PLAAT1: variants seen among roughly 807,000 people sequenced by gnomAD.
PLAAT1 encodes phospholipase A and acyltransferase 1.
A neutral mutation model predicts 16.4 loss-of-function variants in PLAAT1; 13 were observed. The ratio of observed to expected loss-of-function variants is 0.79; its 90% confidence interval spans 0.52 to 1.26. The LOEUF (loss-of-function observed/expected upper bound fraction) is 1.26. PLAAT1 is among the 50% of genes most tolerant of loss of function. The probability of loss-of-function intolerance (pLI) is 0.00; values close to 1 mark genes in which losing one functional copy is unlikely to be tolerated. For synonymous variants in PLAAT1, 73 were observed against 78.4 expected, an observed-to-expected ratio of 0.93 and a Z score of 0.36; for missense variants, 218 against 207.8, an observed-to-expected ratio of 1.05 and a Z score of -0.30.
intron 2 of PLAAT1, among the ~76,000 whole-genome samples, chr3:193,261,794 C>T (rs989644848): frequency 1.3e-5 from 2 of 152,126 alleles, no homozygotes; most frequent in Non-Finnish European, 2.9e-5. Flanking sequence ...TTTTCCAAGC[C>T]AGTTTACCTC....
chr3:193,264,498 T>C (rs971686232), intron 3 of PLAAT1, among the ~76,000 whole-genome samples: 5 of 54,628 alleles, frequency 9.2e-5, no homozygotes, highest in Non-Finnish European at 1.2e-4. Context: ...GTTGTTTGTT[T>C]CTTCTTCTTC....
chr3:193,261,013 A>G (rs1020313010), intron 2 of PLAAT1, among the ~76,000 whole-genome samples: 11 of 152,220 alleles, frequency 7.2e-5, no homozygotes, highest in African/African-American at 2.7e-4. Flanking sequence ...ATACATTTAA[A>G]TGCTTTGTTT....
chr3:193,241,267 G>C lies in PLAAT1; in HGVS notation c.-267G>C. 8.1e-7 allele frequency: 1 copy of C among 1,228,840 alleles called. No individual in the cohort carries two copies. Among genetic ancestry groups the C allele is most frequent in the Non-Finnish European group, 1.0e-6 (1 of 986,164 alleles). The allele number at this position is 1,228,840 out of a possible 1,614,324, so 76.1% of individuals were successfully genotyped here. A position where few individuals can be genotyped will look rare whatever the true frequency, so the allele number is the denominator to read the frequency against. ...CGGCAGCGCCCGGACGCCGAGCCCAGCGCGTCGGCCCCCCGGCGTGCGGGC... is the reference window on the plus strand; with the variant it reads ...CGGCAGCGCCCGGACGCCGAGCCCACCGCGTCGGCCCCCCGGCGTGCGGGC... On this transcript the variant is annotated 5_prime_UTR_variant, in exon 1 of 4. Coordinates refer to ENST00000264735, the MANE Select transcript of PLAAT1 (RefSeq NM_020386.5).
At position 193,264,081 on chromosome 3, in the gene PLAAT1, A is replaced by G. The variant is rs550782729; in HGVS notation, c.405+846A>G. On this transcript the variant is annotated intron_variant, in intron 3 of 3. Transcript: ENST00000264735. ...ATTGAACTCCAGGGAGTTGTTACCT[A>G]TGAAAACTTTTTAAAAGGCAACTAA... Among the ~76,000 whole-genome samples the G allele has an allele frequency of 2.0e-5, 3 of 152,336 alleles. No individual in the cohort carries two copies. The East Asian group carries it at 5.8e-4, about 29-fold the overall frequency.
At chr3:193,247,726 CAT>C (rs1256299466) in intron 1 of PLAAT1, among the ~76,000 whole-genome samples, 1 of 152,062 alleles carries the variant, frequency 6.6e-6, no homozygotes, top group Non-Finnish European at 1.5e-5. Flanking sequence ...TTAATTTCCA[CAT>C]AGAGTTTTCC....
chr3:193,267,620 C>T (rs1240703597), intron 3 of PLAAT1, among the ~76,000 whole-genome samples: 3 of 152,106 alleles, frequency 2.0e-5, no homozygotes, highest in Non-Finnish European at 4.4e-5. Flanking sequence ...CACTGAAGGA[C>T]GTCTTGGTTG....
intron 2 of PLAAT1, among the ~76,000 whole-genome samples, chr3:193,259,773 ATAATATTAAAATG>A: frequency 6.6e-6 from 1 of 152,336 alleles, no homozygotes; most frequent in East Asian, 1.9e-4. Flanking sequence ...ATTGGAAGAA[ATAATATTAAAATG>A]TTCATATTGC....
chr3:193,281,132 T>G (rs147969215), downstream of PLAAT1: 24 of 970,466 alleles, frequency 2.5e-5, no homozygotes, highest in Non-Finnish European at 2.9e-5. Flanking sequence ...TAAAGCAATC[T>G]AAATGGCTTG....
downstream of PLAAT1, among the ~76,000 whole-genome samples, chr3:193,278,642 A>T (rs1190348079): frequency 1.3e-5 from 2 of 152,222 alleles, no homozygotes; most frequent in African/African-American, 4.8e-5. Flanking sequence ...TTTTGAACCC[A>T]GGTCAAGTTG....
At chr3:193,253,983 T>G (rs1716288536) in intron 1 of PLAAT1, among the ~76,000 whole-genome samples, 1 of 152,208 alleles carries the variant, frequency 6.6e-6, no homozygotes, top group African/African-American at 2.4e-5. Flanking sequence ...AGCAGGCAGC[T>G]TTGTGTGTTT....
intron 1 of PLAAT1, among the ~76,000 whole-genome samples, chr3:193,242,374 A>G (rs545940958): frequency 6.6e-6 from 1 of 152,240 alleles, no homozygotes; most frequent in African/African-American, 2.4e-5. Flanking sequence ...GATCGGAGGA[A>G]GACAATCCGA....
downstream of PLAAT1, chr3:193,270,933 T>C (rs1383026754): frequency 2.5e-6 from 2 of 785,524 alleles, no homozygotes; most frequent in Admixed American, 4.4e-5. Flanking sequence ...CAGTAGTCTT[T>C]TGAGTGAGCC....
chr3:193,251,708 G>A (rs1395893904), intron 1 of PLAAT1, among the ~76,000 whole-genome samples: 3 of 152,150 alleles, frequency 2.0e-5, no homozygotes, highest in African/African-American at 4.8e-5. Flanking sequence ...TGTGCATAGG[G>A]TGGGGTTTGT....
chr3:193,259,949 C>G (rs980123692), intron 2 of PLAAT1, among the ~76,000 whole-genome samples: 2 of 152,138 alleles, frequency 1.3e-5, no homozygotes, highest in Admixed American at 1.3e-4. Flanking sequence ...TACCCAACTT[C>G]AAACTCTACT....
intron 3 of PLAAT1, among the ~76,000 whole-genome samples, chr3:193,268,488 T>C (rs1227756582): frequency 6.6e-6 from 1 of 151,930 alleles, no homozygotes; most frequent in Non-Finnish European, 1.5e-5. Flanking sequence ...GAATGCAGAG[T>C]TGGATTTGGT....
Position 193,262,293 on chromosome 3 carries a change from T to C in PLAAT1, c.140-677T>C, listed in dbSNP as rs369589544. ...GTAGGTCACTGCCTGGGGCCATGTC[T>C]GGTAGACAGTGCCTACCAAGTTAGC... On this transcript the variant is annotated intron_variant, in intron 2 of 3. Transcript: ENST00000264735. 3.3e-5 allele frequency among the ~76,000 whole-genome samples: 5 copies of C among 150,882 alleles called. No individual in the cohort carries two copies. In the East Asian group the frequency reaches 9.8e-4, roughly 29 times the overall value.
chr3:193,243,633 T>C (rs548478136), intron 1 of PLAAT1, among the ~76,000 whole-genome samples: 5 of 152,304 alleles, frequency 3.3e-5, no homozygotes, highest in African/African-American at 9.6e-5. Flanking sequence ...TAATCAATGG[T>C]ATAAAAAAGG....
intron 2 of PLAAT1, among the ~76,000 whole-genome samples, chr3:193,257,538 C>A (rs2108791670): frequency 6.6e-6 from 1 of 152,170 alleles, no homozygotes; most frequent in Middle Eastern, 3.4e-3. Context: ...GCAATAAAAA[C>A]AGAAATGAAT....
Position 193,241,482 on chromosome 3 carries a change from A to G in PLAAT1, c.-52A>G. On this transcript the variant is annotated 5_prime_UTR_variant, in exon 1 of 4. Transcript: ENST00000264735. ...CTGCGAGGCCAAGAGAGACCCCAGG[A>G]CACACACAGCTGCCTCCCGGTGCGA... The G allele has an allele frequency of 8.1e-7, 1 of 1,231,960 alleles. No homozygotes were observed. The allele number at this position is 1,231,960 out of a possible 1,614,324, so 76.3% of individuals were successfully genotyped here.
Sources: allele counts gnomAD v4.1 joint callset (sites outside exome capture counted in the v4.1 genomes callset), GRCh38; gene constraint gnomAD v4.1.1; transcripts MANE v1.5; gene names NCBI Gene and HGNC (gene_info 2026-07-23, HGNC 2026-07-21).